ZNF813: variants seen among roughly 807,000 people sequenced by gnomAD.
The protein encoded by ZNF813 is zinc finger protein 813.
Under a neutral mutation model 7.2 loss-of-function variants are expected in ZNF813, and 3 were observed. The observed-to-expected ratio is 0.42, with a 90% CI of 0.19 to 1.08. ZNF813 has a LOEUF of 1.08. Among genes scored for constraint, ZNF813 ranks in the 50% least tolerant of loss-of-function variants. ZNF813 has a pLI of 0.30. For synonymous variants in ZNF813, 227 were observed against 256.3 expected, an observed-to-expected ratio of 0.89 and a Z score of 1.09; for missense variants, 714 against 753.3, an observed-to-expected ratio of 0.95 and a Z score of 0.61.
In ZNF813 at chr19:53,488,408, T is replaced by A. The variant is rs188018627; in HGVS notation, c.142+1650T>A. The A allele has an allele frequency of 1.2e-3, 353 of 289,872 alleles. 1 individual carries two copies. The highest frequency in any genetic ancestry group is 7.1e-3 in the African/African-American group (306 of 42,916). 18.0% of individuals were successfully genotyped at this position (289,872 alleles called of 1,614,324 possible). ...CTCTTTAGACTTCTTTCATTTCCTT[T>A]TTTTTCTTTTTTTTTTTTGAGATGG... is the stretch of plus-strand genomic sequence containing the variant. On this transcript the variant is annotated intron_variant, in intron 3 of 3. Transcript: ENST00000396403.
At position 53,492,776 on chromosome 19, in the gene ZNF813, C is replaced by A. The variant is rs1325129399; in HGVS notation, c.*690C>A. On this transcript the variant is annotated 3_prime_UTR_variant, in exon 4 of 4. Transcript: ENST00000396403. ...CTTGCAGTTCATTGGCGAACTCATACTGGAGACAAACCTTATAAATGTCAT... is the reference window on the plus strand; with the variant it reads ...CTTGCAGTTCATTGGCGAACTCATAATGGAGACAAACCTTATAAATGTCAT... The A allele has an allele frequency of 7.0e-6, 4 of 571,602 alleles. No individual in the cohort carries two copies. The highest frequency in any genetic ancestry group is 2.2e-5 in the Admixed American group (1 of 45,180). 35.4% of individuals were successfully genotyped at this position (571,602 alleles called of 1,614,324 possible).
At chr19:53,468,738 C>G (rs1301200265) in intron 1 of ZNF813, among the ~76,000 whole-genome samples, 9 of 152,184 alleles carry the variant, frequency 5.9e-5, no homozygotes, top group Non-Finnish European at 1.5e-5. Flanking sequence ...TATCTCGCCT[C>G]CAGCCACAGG....
intron 1 of ZNF813, among the ~76,000 whole-genome samples, chr19:53,470,740 G>A (rs1407758764): frequency 6.6e-6 from 1 of 150,996 alleles, no homozygotes; most frequent in Non-Finnish European, 1.5e-5. Context: ...TATTCTTGCA[G>A]TTATTTCTAT....
chr19:53,468,999 G>T (rs1461177742), intron 1 of ZNF813, among the ~76,000 whole-genome samples: 2 of 152,084 alleles, frequency 1.3e-5, no homozygotes, highest in Non-Finnish European at 2.9e-5. Flanking sequence ...ACAATACCCA[G>T]GCTTTCTAGG....
At chr19:53,483,263 C>G (rs1405954926) in intron 1 of ZNF813, among the ~76,000 whole-genome samples, 2 of 152,132 alleles carry the variant, frequency 1.3e-5, no homozygotes, top group African/African-American at 4.8e-5. Context: ...CCAGGCTGGT[C>G]TTGAACTCCT....
chr19:53,488,668 C>G (rs2086445465), intron 3 of ZNF813, among the ~76,000 whole-genome samples: 1 of 151,770 alleles, frequency 6.6e-6, no homozygotes, highest in East Asian at 2.0e-4. Context: ...ATCCTCCTGC[C>G]TCAGCCTGCC....
At chr19:53,486,520 C>T in intron 2 of ZNF813, 112 bp from the exon 3 acceptor site, 4 of 1,591,746 alleles carry the variant, frequency 2.5e-6, no homozygotes, top group Non-Finnish European at 3.4e-6. Context: ...TCGGATTTGT[C>T]AGAACATTCA....
Position 53,492,323 on chromosome 19 carries a change from T to G in ZNF813, c.*237T>G, listed in dbSNP as rs1600116730. Reference sequence around the variant, plus strand: ...GTGAAGCATGTGACAAAGTTTACAGTGGCAAATCGAGCCTCAAAAGACAGG... The same window carrying G: ...GTGAAGCATGTGACAAAGTTTACAGGGGCAAATCGAGCCTCAAAAGACAGG... On this transcript the variant is annotated 3_prime_UTR_variant, in exon 4 of 4. Coordinates refer to ENST00000396403, the MANE Select transcript of ZNF813 (RefSeq NM_001004301.4). The G allele has an allele frequency of 1.5e-6, 1 of 682,504 alleles. No individual in the cohort carries two copies. The highest frequency in any genetic ancestry group is 2.7e-5 in the East Asian group (1 of 36,492). The allele number at this position is 682,504 out of a possible 1,614,324, so 42.3% of individuals were successfully genotyped here. A position where few individuals can be genotyped will look rare whatever the true frequency, so the allele number is the denominator to read the frequency against.
In ZNF813 at chr19:53,495,464, T is replaced by G. The variant is rs1309923572; in HGVS notation, c.*3378T>G. The stretch of plus-strand genomic sequence containing the variant: ...GTCTTGAACTCCTGACCTCACGATC[T>G]GCCCACCTCAGCCTCCCAAAGTGTG... On this transcript the variant is annotated 3_prime_UTR_variant, in exon 4 of 4. Coordinates refer to ENST00000396403, the MANE Select transcript of ZNF813 (RefSeq NM_001004301.4). The G allele has an allele frequency of 6.6e-6, 1 of 152,032 alleles. No homozygotes were observed. The highest frequency in any genetic ancestry group is 1.5e-5 in the Non-Finnish European group (1 of 68,032). The allele number at this position is 152,032 out of a possible 1,614,324, so 9.4% of individuals were successfully genotyped here.
rs1568433306 is a variant in ZNF813, at chr19:53,491,746, A to G, written c.1514A>G (p.Asn505Ser). Residue 505 changes from asparagine (N) to serine (S), a missense_variant, in exon 4 of 4, where the codon AAT becomes AGT. Transcript: ENST00000396403. ...YKCNECGKGF[N>S]RKTHLACHHR... ...TGTAATGAATGTGGCAAGGGTTTTA[A>G]TCGGAAAACACACCTTGCATGTCAT... 6.4e-7 allele frequency: 1 copy of G among 1,572,144 alleles called. No homozygotes were observed. Among genetic ancestry groups the G allele is most frequent in the Admixed American group, 1.7e-5 (1 of 58,478 alleles).
At chr19:53,485,628 C>G (rs530501330) in intron 2 of ZNF813, among the ~76,000 whole-genome samples, 1 of 151,302 alleles carries the variant, frequency 6.6e-6, no homozygotes, top group Non-Finnish European at 1.5e-5. Context: ...ACATGCATGT[C>G]GTGATATATA....
intron 1 of ZNF813, among the ~76,000 whole-genome samples, chr19:53,470,121 C>T (rs1424957809): frequency 2.0e-5 from 3 of 147,522 alleles, no homozygotes; most frequent in African/African-American, 7.6e-5. Flanking sequence ...AAAGCAAGAA[C>T]AGCTAAATAC....
chr19:53,478,356 A>G (rs2086391591), intron 1 of ZNF813, among the ~76,000 whole-genome samples: 1 of 151,622 alleles, frequency 6.6e-6, no homozygotes. Context: ...TTTTTTTTGT[A>G]GAAACGGGTT....
intron 1 of ZNF813, among the ~76,000 whole-genome samples, chr19:53,468,799 A>C (rs1266866299): frequency 3.3e-5 from 5 of 150,084 alleles, no homozygotes; most frequent in Non-Finnish European, 7.4e-5. Context: ...TCAGCTTTAC[A>C]CCTAGACATT....
chr19:53,477,528 A>C (rs2086387539), intron 1 of ZNF813, among the ~76,000 whole-genome samples: 1 of 152,064 alleles, frequency 6.6e-6, no homozygotes, highest in African/African-American at 2.4e-5. Context: ...TGGTGCCTGA[A>C]AAAGGGGTTG....
In ZNF813 at chr19:53,494,216, A is replaced by G. The variant is rs2086476632; in HGVS notation, c.*2130A>G. The G allele has an allele frequency of 6.6e-6, 1 of 152,238 alleles. No individual in the cohort carries two copies. Among genetic ancestry groups the G allele is most frequent in the Non-Finnish European group, 1.5e-5 (1 of 68,048 alleles). 9.4% of individuals were successfully genotyped at this position (152,238 alleles called of 1,614,324 possible). On this transcript the variant is annotated 3_prime_UTR_variant, in exon 4 of 4. Transcript: ENST00000396403. ...GTCTTCAAGAAGTTCATGGAAAAAT[A>G]CATATTTTGCATATTATGAGAAAAT...
intron 1 of ZNF813, among the ~76,000 whole-genome samples, chr19:53,477,891 G>A (rs2086389352): frequency 6.6e-6 from 1 of 152,094 alleles, no homozygotes; most frequent in Non-Finnish European, 1.5e-5. Flanking sequence ...GATTACTTGT[G>A]ACATGTTGAC....
chr19:53,469,641 T>C (rs1443354500), intron 1 of ZNF813, among the ~76,000 whole-genome samples: 2 of 150,382 alleles, frequency 1.3e-5, no homozygotes, highest in Non-Finnish European at 3.0e-5. Context: ...GACAGCAAGG[T>C]AGGGAGAGGG....
At chr19:53,480,987 ATTG>A (rs1442592419) in intron 1 of ZNF813, among the ~76,000 whole-genome samples, 4 of 152,206 alleles carry the variant, frequency 2.6e-5, no homozygotes, top group Non-Finnish European at 5.9e-5. Flanking sequence ...CACACTATTT[ATTG>A]GTGATCAAAC....
Sources: gnomAD v4.1 joint callset for allele counts (sites outside exome capture counted in the v4.1 genomes callset) on GRCh38, gnomAD v4.1.1 for gene constraint, MANE v1.5 for transcripts, NCBI Gene and HGNC (gene_info 2026-07-23, HGNC 2026-07-21) for gene names.